The following MYL1 variants were observed in gnomAD, a reference collection of about 807,000 sequenced individuals.
MYL1 encodes the protein myosin light chain 1.
MYL1 carries 16 observed loss-of-function variants against 21.8 expected under a neutral mutation model. The ratio of observed to expected loss-of-function variants is 0.74; its 90% CI spans 0.50 to 1.12. The LOEUF (loss-of-function observed/expected upper bound fraction) is 1.12, where lower values mean the gene tolerates loss of function less well. Among genes scored for constraint, MYL1 ranks in the 50% most tolerant of loss-of-function variants. The pLI is 0.00. For synonymous variants in MYL1, 99 were observed against 85.2 expected (o/e 1.16, Z -0.89); for missense variants, 246 against 241.0 (o/e 1.02, Z -0.14).
intron 5 of MYL1, 67 bp from the exon 6 acceptor site, chr2:210,291,141 A>G (rs2125737692): frequency 5.6e-6 from 7 of 1,260,374 alleles, no homozygotes; most frequent in African/African-American, 1.5e-5. Flanking sequence ...AATAAAAGAG[A>G]GGTTTAATGA....
In MYL1 at chr2:210,315,118, G is replaced by T; in HGVS notation, c.-76C>A. On this transcript the variant is annotated 5_prime_UTR_variant, in exon 1 of 7. Coordinates refer to ENST00000352451, the MANE Select transcript of MYL1 (RefSeq NM_079420.3). Reference sequence around the variant, plus strand: ...ACCTGTCAAAATGATTCTTGGAAGAGGAGTGGTGGTTGGGTTGATCCACAG... The same window carrying T: ...ACCTGTCAAAATGATTCTTGGAAGATGAGTGGTGGTTGGGTTGATCCACAG... 6.4e-7 allele frequency: 1 copy of T among 1,559,338 alleles called. No individual in the cohort carries two copies. The highest frequency in any genetic ancestry group is 1.2e-5 in the South Asian group (1 of 83,988).
chr2:210,290,645 A>C (rs1052212023), intron 6 of MYL1, among the ~76,000 whole-genome samples, 178 bp from the exon 7 acceptor site: 1 of 152,210 alleles, frequency 6.6e-6, no homozygotes, highest in African/African-American at 2.4e-5. Flanking sequence ...TTGGACTGTT[A>C]TAACACGGTT....
At chr2:210,313,431 A>C (rs1035137966) in intron 1 of MYL1, among the ~76,000 whole-genome samples, 1 of 152,020 alleles carries the variant, frequency 6.6e-6, no homozygotes, top group Admixed American at 6.6e-5. Context: ...GACAGTATGC[A>C]TCTATAAAGG....
At position 210,303,583 on chromosome 2, in the gene MYL1, A is replaced by G. The variant is rs764624044; in HGVS notation, c.133-1068T>C. ...GGCTGCAACACAGCAGGGAAGCTGA[A>G]GAGTGAGTTGAGGGCTGCTCCGGTC... is the stretch of plus-strand genomic sequence containing the variant. On this transcript the variant is annotated intron_variant, in intron 1 of 6. Transcript: ENST00000352451. The G allele has an allele frequency of 9.3e-6, 15 of 1,609,972 alleles. 1 individual carries two copies. The South Asian group carries it at 1.4e-4, about 15-fold the overall frequency.
At chr2:210,290,969 T>C in intron 6 of MYL1, 63 bp downstream of exon 6, 3 of 1,104,768 alleles carry the variant, frequency 2.7e-6, no homozygotes, top group Non-Finnish European at 4.0e-6. Flanking sequence ...ACTGAAGCTG[T>C]CAAGTTTTAA....
chr2:210,297,934 C>T (rs1690202697), intron 3 of MYL1, among the ~76,000 whole-genome samples: 1 of 151,960 alleles, frequency 6.6e-6, no homozygotes, highest in South Asian at 2.1e-4. Context: ...TAGAACTGTG[C>T]CACTGGAATT....
Position 210,294,400 on chromosome 2 carries a change from A to G in MYL1, c.323T>C (p.Ile108Thr). 1 of 1,613,654 alleles carries G rather than the reference A, an allele frequency of 6.2e-7. No individual in the cohort carries two copies. The highest frequency in any genetic ancestry group is 8.5e-7 in the Non-Finnish European group (1 of 1,179,786). The part of the protein sequence containing the change: ...PSNEELNAKK[I>T]EFEQFLPMMQ... ...CATAGGCAGAAATTGTTCAAACTCA[A>G]TTTTCTTGGCATTCAGCTCTGTAAG... Residue 108 changes from isoleucine (I) to threonine (T), a missense_variant, in exon 4 of 7, where the codon ATT becomes ACT. Coordinates refer to ENST00000352451, the MANE Select transcript of MYL1 (RefSeq NM_079420.3).
chr2:210,312,361 A>G (rs777756450), intron 1 of MYL1, among the ~76,000 whole-genome samples: 18 of 151,976 alleles, frequency 1.2e-4, no homozygotes, highest in Non-Finnish European at 2.2e-4. Flanking sequence ...ATGAATACAT[A>G]TAACAGCTCT....
intron 3 of MYL1, among the ~76,000 whole-genome samples, chr2:210,297,599 T>A (rs1200286057): frequency 6.6e-6 from 1 of 152,002 alleles, no homozygotes; most frequent in Non-Finnish European, 1.5e-5. Flanking sequence ...GTGTCTTGTC[T>A]TTTTTGTTTG....
At chr2:210,314,875 T>C (rs1227141476) in intron 1 of MYL1, 36 bp downstream of exon 1, 1 of 1,611,688 alleles carries the variant, frequency 6.2e-7, no homozygotes, top group South Asian at 1.1e-5. Context: ...TATTGAAAGA[T>C]GTTTCAGTGA....
chr2:210,312,537 TA>T (rs944987582), intron 1 of MYL1, among the ~76,000 whole-genome samples: 1 of 151,940 alleles, frequency 6.6e-6, no homozygotes, highest in Non-Finnish European at 1.5e-5. Flanking sequence ...TTAAAGTTTA[TA>T]AAATTCTTGA....
chr2:210,298,909 C>T (rs1690221384), intron 2 of MYL1, among the ~76,000 whole-genome samples: 1 of 152,120 alleles, frequency 6.6e-6, no homozygotes, highest in Non-Finnish European at 1.5e-5. Context: ...AATAATCTCT[C>T]ATATAATTAA....
Position 210,293,815 on chromosome 2 carries a change from C to T in MYL1, c.479-15G>A. The T allele has an allele frequency of 6.2e-7, 1 of 1,612,978 alleles. No individual in the cohort carries two copies. Among genetic ancestry groups the T allele is most frequent in the Non-Finnish European group, 8.5e-7 (1 of 1,179,038 alleles). On this transcript the variant is annotated splice_polypyrimidine_tract_variant and intron_variant, in intron 4 of 6. Coordinates refer to ENST00000352451, the MANE Select transcript of MYL1 (RefSeq NM_079420.3). ...CATCTTTTCACCTGATGAAACAAAA[C>T]TCTCCTTTCAGAAAGAAGGCCATGT...
chr2:210,303,028 T>G, intron 1 of MYL1: 1 of 551,210 alleles, frequency 1.8e-6, no homozygotes, highest in South Asian at 2.5e-5. Flanking sequence ...ATTTAATACT[T>G]CCTAGAAAAA....
chr2:210,305,113 A>C (rs1690319961), intron 1 of MYL1, among the ~76,000 whole-genome samples: 1 of 152,210 alleles, frequency 6.6e-6, no homozygotes, highest in South Asian at 2.1e-4. Flanking sequence ...GTCACAAAAA[A>C]CATGAAGTCT....
intron 1 of MYL1, chr2:210,303,471 C>A: frequency 1.4e-6 from 2 of 1,461,794 alleles, no homozygotes; most frequent in East Asian, 2.4e-5. Context: ...GCCTATCTTT[C>A]TTCTCAATAA....
chr2:210,297,584 CA>C (rs986314731), intron 3 of MYL1, among the ~76,000 whole-genome samples: 12 of 151,560 alleles, frequency 7.9e-5, no homozygotes, highest in Non-Finnish European at 1.3e-4. Context: ...AAACAACTTG[CA>C]AATGTGTCTT....
intron 2 of MYL1, among the ~76,000 whole-genome samples, 180 bp from the exon 3 acceptor site, chr2:210,298,743 C>T (rs1690219355): frequency 6.6e-6 from 1 of 152,134 alleles, no homozygotes; most frequent in Non-Finnish European, 1.5e-5. Context: ...CTTAGCATTT[C>T]TTTTCAGGGT....
At chr2:210,303,632 G>A (rs1690297805) in intron 1 of MYL1, 7 of 1,562,004 alleles carry the variant, frequency 4.5e-6, no homozygotes, top group South Asian at 1.2e-5. Context: ...ATCCCTGGCT[G>A]AGGCTTCCTT....
Sources: gnomAD v4.1 joint callset for allele counts (sites outside exome capture counted in the v4.1 genomes callset) on GRCh38, gnomAD v4.1.1 for gene constraint, MANE v1.5 for transcripts, NCBI Gene and HGNC (gene_info 2026-07-23, HGNC 2026-07-21) for gene names.